The following MED15 variants were observed in gnomAD, a reference collection of about 807,000 sequenced individuals.
MED15 encodes the protein mediator of RNA polymerase II transcription subunit 15.
In MED15, 41 loss-of-function variants were observed where a neutral mutation model predicts 118.7. That is an observed-to-expected ratio of 0.35 (90% CI 0.27 to 0.45). MED15 has a LOEUF of 0.45. MED15 is among the 20% of genes least tolerant of loss of function. MED15 has a pLI of 1.00. For synonymous variants in MED15, 436 were observed against 413.9 expected, an observed-to-expected ratio of 1.05 and a Z score of -0.65; for missense variants, 740 against 1,025.5, an observed-to-expected ratio of 0.72 and a Z score of 3.80.
chr22:20,540,036 G>T (rs1569195913), intron 2 of MED15, among the ~76,000 whole-genome samples: 5 of 151,764 alleles, frequency 3.3e-5, no homozygotes, highest in Non-Finnish European at 7.4e-5. Context: ...TTTTATTTTT[G>T]TTTTTTTGAG....
intron 5 of MED15, among the ~76,000 whole-genome samples, chr22:20,559,826 T>C (rs1210888520): frequency 6.6e-6 from 1 of 152,246 alleles, no homozygotes; most frequent in Non-Finnish European, 1.5e-5. Flanking sequence ...TTATCCTTTT[T>C]CCAATAAGCC....
intron 1 of MED15, chr22:20,522,610 A>T (rs989001971): frequency 6.6e-6 from 1 of 152,086 alleles, no homozygotes; most frequent in African/African-American, 2.4e-5. Flanking sequence ...ACTGGTATGC[A>T]CTCCACCAGT....
At chr22:20,584,712 C>A in intron 14 of MED15, 143 bp from the exon 15 acceptor site, 3 of 1,092,756 alleles carry the variant, frequency 2.7e-6, no homozygotes, top group South Asian at 1.5e-5. Context: ...CAGGATCAGC[C>A]AACATTGTCT....
In MED15 at chr22:20,587,186, C is replaced by A. The variant is rs1207094032; in HGVS notation, c.*482C>A. ...TATGCTGCTTTGGGCAGGTGGAGCA[C>A]CCCCCGAGGAAGCCTGCAAGTCCAG... is the stretch of plus-strand genomic sequence containing the variant. On this transcript the variant is annotated 3_prime_UTR_variant, in exon 18 of 18. Transcript: ENST00000263205. 1.2e-5 allele frequency: 2 copies of A among 162,514 alleles called. No homozygotes were observed. Among genetic ancestry groups the A allele is most frequent in the Non-Finnish European group, 2.7e-5 (2 of 73,802 alleles). 10.1% of individuals were successfully genotyped at this position (162,514 alleles called of 1,614,324 possible). A position where few individuals can be genotyped will look rare whatever the true frequency, so the allele number is the denominator to read the frequency against.
intron 2 of MED15, among the ~76,000 whole-genome samples, chr22:20,540,553 G>A: frequency 6.6e-6 from 1 of 152,110 alleles, no homozygotes; most frequent in East Asian, 1.9e-4. Flanking sequence ...CAGCCTGGGT[G>A]ACAGAGTGAG....
At chr22:20,510,464 C>T (rs1356028499) in intron 1 of MED15, among the ~76,000 whole-genome samples, 1 of 152,214 alleles carries the variant, frequency 6.6e-6, no homozygotes, top group African/African-American at 2.4e-5. Context: ...TCCACTAGGT[C>T]TCCTGCTATC....
At chr22:20,529,902 T>A (rs1331555857) in intron 1 of MED15, among the ~76,000 whole-genome samples, 1 of 152,168 alleles carries the variant, frequency 6.6e-6, no homozygotes, top group Non-Finnish European at 1.5e-5. Context: ...AATTTTTGTA[T>A]TTTTAGTAGA....
chr22:20,556,403 G>A (rs1185524700), intron 5 of MED15, among the ~76,000 whole-genome samples: 1 of 151,466 alleles, frequency 6.6e-6, no homozygotes, highest in Non-Finnish European at 1.5e-5. Context: ...CCGAGTTCAA[G>A]CAGTTCTCTT....
Position 20,566,714 on chromosome 22 carries a change from A to G in MED15, c.938A>G (p.Asn313Ser). The G allele has an allele frequency of 6.2e-7, 1 of 1,614,052 alleles. No individual in the cohort carries two copies. ...CCCCAGCAGCCTCCAGTTGCTCAGA[A>G]CCAACCATCACAACTCCCGCCACAG... is the stretch of plus-strand genomic sequence containing the variant. ...PQPQQPPVAQ[N>S]QPSQLPPQSQ... The change falls in exon 7 of 18, where the codon AAC becomes AGC. Residue 313 changes from asparagine to serine, a missense_variant. Around this residue, in one of 7 missense-constraint regions of MED15, gnomAD observed 384 missense variants for 506.3 expected, o/e 0.76. Transcript: ENST00000263205.
chr22:20,508,371 C>T (rs2146320060), intron 1 of MED15: 1 of 1,304,228 alleles, frequency 7.7e-7, no homozygotes, highest in Non-Finnish European at 1.0e-6. Flanking sequence ...TAGCCCCTCA[C>T]CACCGACTGC....
Position 20,585,282 on chromosome 22 carries a change from G to T in MED15, c.2131+15G>T, listed in dbSNP as rs1009535333. ...CTGCAAGCTGGGTGAGTGTCCAGAGGGCCGGGACTGGTGTGGGAAAGCAGG... is the reference window on the plus strand; with the variant it reads ...CTGCAAGCTGGGTGAGTGTCCAGAGTGCCGGGACTGGTGTGGGAAAGCAGG... On this transcript the variant is annotated intron_variant, in intron 16 of 17. Coordinates refer to ENST00000263205, the MANE Select transcript of MED15 (RefSeq NM_001003891.3). 3 of 1,610,168 alleles carry T rather than the reference G, an allele frequency of 1.9e-6. No homozygotes were observed. In the African/African-American group the frequency reaches 4.0e-5, roughly 22 times the overall value.
Position 20,508,482 on chromosome 22 carries a change from T to G in MED15, c.68+736T>G, listed in dbSNP as rs1443948850. 5 of 1,175,690 alleles carry G rather than the reference T, an allele frequency of 4.3e-6. No individual in the cohort carries two copies. The South Asian group carries it at 6.4e-5, about 15-fold the overall frequency. The allele number at this position is 1,175,690 out of a possible 1,614,324, so 72.8% of individuals were successfully genotyped here. ...GCTGTTTATTTCACCTGGGTGCAGGTGGGCTGAGTCCGAAAAGAGAGTCAG... is the reference window on the plus strand; with the variant it reads ...GCTGTTTATTTCACCTGGGTGCAGGGGGGCTGAGTCCGAAAAGAGAGTCAG... On this transcript the variant is annotated intron_variant, in intron 1 of 17. Transcript: ENST00000263205.
At chr22:20,553,027 A>C in intron 3 of MED15, 118 bp from the exon 4 acceptor site, 614 of 802,294 alleles carry the variant, frequency 7.7e-4, no homozygotes, top group Non-Finnish European at 1.0e-3. Context: ...GGGGAGTACT[A>C]GGAGCTCCGT....
At chr22:20,521,825 A>C (rs1462012235) in intron 1 of MED15, among the ~76,000 whole-genome samples, 1 of 150,340 alleles carries the variant, frequency 6.7e-6, no homozygotes. Flanking sequence ...TCCAGGGTTC[A>C]CATGATTCTC....
intron 1 of MED15, among the ~76,000 whole-genome samples, chr22:20,509,250 G>A (rs1279345113): frequency 2.0e-5 from 3 of 152,170 alleles, no homozygotes; most frequent in African/African-American, 7.2e-5. Context: ...TGTTTGGCAT[G>A]TGGCATTCTT....
Position 20,538,439 on chromosome 22 carries a change from G to A in MED15, c.156+1235G>A, listed in dbSNP as rs915314086. Among the ~76,000 whole-genome samples the A allele has an allele frequency of 6.6e-5, 10 of 151,946 alleles. No homozygotes were observed. In the East Asian group the frequency reaches 1.7e-3, roughly 26 times the overall value. On this transcript the variant is annotated intron_variant, in intron 2 of 17. Transcript: ENST00000263205. ...TAAGTTTTTTATTTTTTGTGGAGAC[G>A]AGGTCCCACTATGTTGCCCAGGCTA...
chr22:20,528,173 C>T (rs1445368282), intron 1 of MED15, among the ~76,000 whole-genome samples: 1 of 152,098 alleles, frequency 6.6e-6, no homozygotes, highest in African/African-American at 2.4e-5. Context: ...TGGCTGGTTG[C>T]TCACTCTGAG....
At chr22:20,580,208 G>A (rs991027309) in intron 9 of MED15, among the ~76,000 whole-genome samples, 1 of 152,290 alleles carries the variant, frequency 6.6e-6, no homozygotes, top group South Asian at 2.1e-4. Context: ...TTCTGGGTGG[G>A]TGCTTGGAGG....
At chr22:20,584,718 T>C (rs2057083064) in intron 14 of MED15, 137 bp from the exon 15 acceptor site, 1 of 1,122,882 alleles carries the variant, frequency 8.9e-7, no homozygotes, top group Non-Finnish European at 1.3e-6. Context: ...CAGCCAACAT[T>C]GTCTGCACAA....
Sources: allele counts gnomAD v4.1 joint callset (sites outside exome capture counted in the v4.1 genomes callset), GRCh38; gene constraint gnomAD v4.1.1; regional missense constraint gnomAD v4.1.1; transcripts MANE v1.5; gene names NCBI Gene and HGNC (gene_info 2026-07-23, HGNC 2026-07-21).